Variants in PLGRKT observed in about 807,000 individuals in gnomAD.
PLGRKT encodes the protein plasminogen receptor with a C-terminal lysine.
In PLGRKT, 22 loss-of-function variants were observed where a neutral mutation model predicts 18.5. That is an observed-to-expected ratio of 1.19 (90% CI 0.85 to 1.70). The LOEUF is 1.70. Ranked by LOEUF, PLGRKT falls within the 40% of genes most tolerant of loss-of-function variation. The pLI, the probability that PLGRKT is intolerant of heterozygous loss-of-function variation, is 0.00. For synonymous variants in PLGRKT, 72 were observed against 52.8 expected (o/e 1.36, Z -1.58); for missense variants, 235 against 174.4 (o/e 1.35, Z -1.96).
chr9:5,399,614 A>G (rs141859859), intron 3 of PLGRKT, among the ~76,000 whole-genome samples: 2 of 152,052 alleles, frequency 1.3e-5, no homozygotes, highest in East Asian at 3.9e-4. Flanking sequence ...TAACCTAATA[A>G]AATTTCCCTT....
At chr9:5,424,691 T>TATATATAC (rs201541927) in intron 3 of PLGRKT, among the ~76,000 whole-genome samples, 16 of 70,480 alleles carry the variant, frequency 2.3e-4, no homozygotes, top group African/African-American at 9.2e-4. Flanking sequence ...TATATATATA[T>TATATATAC]ACACACAGGG....
intron 3 of PLGRKT, among the ~76,000 whole-genome samples, chr9:5,390,194 T>C (rs1156661085): frequency 6.6e-6 from 1 of 151,070 alleles, no homozygotes; most frequent in Non-Finnish European, 1.5e-5. Flanking sequence ...AGTTCTTCTG[T>C]GTGAATGTGT....
At chr9:5,411,384 CAA>C (rs78144379) in intron 3 of PLGRKT, among the ~76,000 whole-genome samples, 16 of 122,408 alleles carry the variant, frequency 1.3e-4, no homozygotes, top group Non-Finnish European at 6.9e-5. Context: ...GACCCTGTTT[CAA>C]AAAAAAAAAA....
At chr9:5,379,872 G>C (rs1817703965) in intron 3 of PLGRKT, among the ~76,000 whole-genome samples, 1 of 152,120 alleles carries the variant, frequency 6.6e-6, no homozygotes, top group Non-Finnish European at 1.5e-5. Flanking sequence ...AAATCTTCAT[G>C]CTTTTCTCCC....
intron 3 of PLGRKT, among the ~76,000 whole-genome samples, chr9:5,424,689 T>TATATATACAC (rs1563790070): frequency 4.2e-5 from 3 of 70,864 alleles, no homozygotes; most frequent in African/African-American, 1.8e-4. Flanking sequence ...TATATATATA[T>TATATATACAC]ATACACACAG....
At chr9:5,420,300 T>C (rs566399401) in intron 3 of PLGRKT, among the ~76,000 whole-genome samples, 1 of 152,216 alleles carries the variant, frequency 6.6e-6, no homozygotes, top group African/African-American at 2.4e-5. Flanking sequence ...TTTGGAGTGA[T>C]GAAGTGTTAC....
rs12347953 is a variant in PLGRKT, at chr9:5,428,602, C to G, written c.81+3295G>C. ...CAAAGGACAAAAAGCCCTCCCTGCC[C>G]CTCTCCCCTAGCTGGAGACAGCATA... On this transcript the variant is annotated intron_variant, in intron 3 of 5. Transcript: ENST00000223864. Among the ~76,000 whole-genome samples, 1,342 of 152,316 alleles carry G rather than the reference C, an allele frequency of 8.8e-3. 23 individuals carry two copies. The highest frequency in any genetic ancestry group is 0.03 in the African/African-American group (1,227 of 41,568).
chr9:5,380,253 T>C (rs1817715079), intron 3 of PLGRKT, among the ~76,000 whole-genome samples: 1 of 151,744 alleles, frequency 6.6e-6, no homozygotes, highest in Non-Finnish European at 1.5e-5. Context: ...TAGTCCCAGC[T>C]ACTCGGGAGG....
chr9:5,398,499 C>T, intron 3 of PLGRKT, among the ~76,000 whole-genome samples: 1 of 151,860 alleles, frequency 6.6e-6, no homozygotes, highest in African/African-American at 2.4e-5. Context: ...GTAGCAAGTG[C>T]TTTGAATCTC....
intron 3 of PLGRKT, among the ~76,000 whole-genome samples, chr9:5,407,183 GT>G (rs1459845618): frequency 1.3e-5 from 2 of 152,068 alleles, no homozygotes; most frequent in Non-Finnish European, 2.9e-5. Flanking sequence ...TCAAATGAAT[GT>G]TCTCATATAT....
chr9:5,358,091 T>A lies in PLGRKT; in HGVS notation c.*148A>T. The A allele has an allele frequency of 1.8e-6, 1 of 559,908 alleles. No homozygotes were observed. Among genetic ancestry groups the A allele is most frequent in the South Asian group, 3.6e-5 (1 of 27,418 alleles). 34.7% of individuals were successfully genotyped at this position (559,908 alleles called of 1,614,324 possible). A position where few individuals can be genotyped will look rare whatever the true frequency, so the allele number is the denominator to read the frequency against. On this transcript the variant is annotated 3_prime_UTR_variant, in exon 6 of 6. Coordinates refer to ENST00000223864, the MANE Select transcript of PLGRKT (RefSeq NM_018465.4). ...GATTTTGTGTTGAATGTTATAAATT[T>A]TATTTTAAAATAGCTCAAAACTATC...
intron 5 of PLGRKT, among the ~76,000 whole-genome samples, 169 bp downstream of exon 5, chr9:5,360,909 G>C (rs1817247926): frequency 6.6e-6 from 1 of 152,198 alleles, no homozygotes. Context: ...GAGCTGGTAT[G>C]AGCTGGCTCT....
At chr9:5,363,518 C>T (rs769967396) in intron 3 of PLGRKT, among the ~76,000 whole-genome samples, 7 of 152,150 alleles carry the variant, frequency 4.6e-5, no homozygotes, top group Non-Finnish European at 5.9e-5. Context: ...TCTTCACACC[C>T]CTTGGCCGCT....
intron 5 of PLGRKT, among the ~76,000 whole-genome samples, chr9:5,359,714 T>A (rs10815190): frequency 0.27 from 41,366 of 152,066 alleles, 5,993 homozygotes; most frequent in Non-Finnish European, 0.32. Flanking sequence ...GACTTTTTTT[T>A]AAACAGGAAA....
At chr9:5,371,347 T>A (rs907583281) in intron 3 of PLGRKT, among the ~76,000 whole-genome samples, 7 of 152,210 alleles carry the variant, frequency 4.6e-5, no homozygotes, top group African/African-American at 1.7e-4. Context: ...TCAACTTGAA[T>A]TGTATCTCCC....
chr9:5,389,736 G>C (rs1452264667), intron 3 of PLGRKT, among the ~76,000 whole-genome samples: 1 of 151,918 alleles, frequency 6.6e-6, no homozygotes, highest in East Asian at 1.9e-4. Flanking sequence ...AACAGGAAGA[G>C]ATAGGAGTTT....
chr9:5,426,420 A>G (rs529866766), intron 3 of PLGRKT, among the ~76,000 whole-genome samples: 2 of 152,308 alleles, frequency 1.3e-5, no homozygotes, highest in Admixed American at 1.3e-4. Flanking sequence ...GACACATTCA[A>G]GGAACAAACC....
At position 5,380,653 on chromosome 9, in the gene PLGRKT, T is replaced by C. The variant is rs531884804; in HGVS notation, c.82-18765A>G. 1.1e-4 allele frequency among the ~76,000 whole-genome samples: 17 copies of C among 152,330 alleles called. No individual in the cohort carries two copies. The South Asian group carries it at 3.1e-3, about 28-fold the overall frequency. ...ATATACTATATAATTCACTTTTAAATTTTATTTTATCTTTTTCCCACTTCT... is the reference window on the plus strand; with the variant it reads ...ATATACTATATAATTCACTTTTAAACTTTATTTTATCTTTTTCCCACTTCT... On this transcript the variant is annotated intron_variant, in intron 3 of 5. Coordinates refer to ENST00000223864, the MANE Select transcript of PLGRKT (RefSeq NM_018465.4).
At chr9:5,431,531 C>CAAAAAAAAAAAAAAAA (rs1191361436) in intron 3 of PLGRKT, among the ~76,000 whole-genome samples, 1 of 77,038 alleles carries the variant, frequency 1.3e-5, no homozygotes, top group African/African-American at 4.8e-5. Flanking sequence ...GAGACTCTCT[C>CAAAAAAAAAAAAAAAA]AAAAAAAAAA....
Sources: allele counts gnomAD v4.1 joint callset (sites outside exome capture counted in the v4.1 genomes callset), GRCh38; gene constraint gnomAD v4.1.1; transcripts MANE v1.5; gene names NCBI Gene and HGNC (gene_info 2026-07-23, HGNC 2026-07-21).